Variants in CREM observed in about 807,000 individuals in gnomAD.
CREM encodes cAMP-responsive element modulator.
In CREM, 13 loss-of-function variants were observed where a neutral mutation model predicts 37.3. The observed-to-expected ratio is 0.35, with a 90% CI of 0.23 to 0.55. The LOEUF (loss-of-function observed/expected upper bound fraction) is 0.55. CREM is among the 20% of genes least tolerant of loss of function. The pLI is 0.88. For synonymous variants in CREM, 124 were observed against 120.2 expected (o/e 1.03, Z -0.21); for missense variants, 296 against 362.3 (o/e 0.82, Z 1.49).
At chr10:35,146,371 A>G (rs1156246681) in intron 2 of CREM, among the ~76,000 whole-genome samples, 5 of 152,232 alleles carry the variant, frequency 3.3e-5, no homozygotes, top group African/African-American at 1.2e-4. Flanking sequence ...CACCCTTCTC[A>G]AGACACACTA....
chr10:35,190,077 A>G (rs1564933444), intron 6 of CREM, among the ~76,000 whole-genome samples: 1 of 152,210 alleles, frequency 6.6e-6, no homozygotes, highest in Non-Finnish European at 1.5e-5. Flanking sequence ...GTCTAGGTGA[A>G]TAATCTTAAA....
At chr10:35,137,954 A>G in intron 2 of CREM, 75 bp downstream of exon 2, 1 of 1,123,838 alleles carries the variant, frequency 8.9e-7, no homozygotes, top group Non-Finnish European at 1.3e-6. Context: ...AAATTGATAT[A>G]TAGATGTACA....
intron 3 of CREM, among the ~76,000 whole-genome samples, chr10:35,161,622 C>T (rs187590109): frequency 2.2e-4 from 33 of 151,898 alleles, no homozygotes; most frequent in African/African-American, 8.0e-4. Context: ...GAGATCACAC[C>T]ACTGCACTCC....
chr10:35,167,635 T>C (rs1033339063), intron 3 of CREM: 3 of 1,324,698 alleles, frequency 2.3e-6, no homozygotes, highest in Non-Finnish European at 3.2e-6. Flanking sequence ...TTAGGGTTTT[T>C]TTTAATTGCA....
intron 6 of CREM, chr10:35,195,986 T>C: frequency 2.0e-6 from 3 of 1,520,222 alleles, no homozygotes; most frequent in Non-Finnish European, 2.7e-6. Flanking sequence ...ATAGCTTTTC[T>C]TGTTAGCCCT....
intron 6 of CREM, among the ~76,000 whole-genome samples, chr10:35,202,238 G>A (rs999753906): frequency 1.3e-5 from 2 of 152,210 alleles, no homozygotes; most frequent in African/African-American, 4.8e-5. Flanking sequence ...AGGAATAGCA[G>A]TGTGTCATCA....
chr10:35,133,592 C>G (rs2089864422), intron 1 of CREM, among the ~76,000 whole-genome samples: 1 of 152,198 alleles, frequency 6.6e-6, no homozygotes, highest in African/African-American at 2.4e-5. Context: ...AGCCATGGCG[C>G]CTGTCCAAAA....
chr10:35,161,679 G>A (rs12782948), intron 3 of CREM, among the ~76,000 whole-genome samples: 49,911 of 151,202 alleles, frequency 0.33, 8,290 homozygotes, highest in South Asian at 0.35. Flanking sequence ...AAAAAAGCTC[G>A]ACATCATTAA....
At chr10:35,163,957 A>G (rs1408279999) in intron 3 of CREM, among the ~76,000 whole-genome samples, 1 of 151,856 alleles carries the variant, frequency 6.6e-6, no homozygotes, top group East Asian at 1.9e-4. Flanking sequence ...AGCCTGGGTG[A>G]CAGCAAGAAC....
chr10:35,135,457 T>A (rs1369819177), intron 1 of CREM: 2 of 152,232 alleles, frequency 1.3e-5, no homozygotes, highest in African/African-American at 4.8e-5. Context: ...GTTACAGCTC[T>A]TAGAATTTGT....
chr10:35,175,358 A>G (rs1179415704), intron 3 of CREM, among the ~76,000 whole-genome samples: 1 of 152,126 alleles, frequency 6.6e-6, no homozygotes, highest in Non-Finnish European at 1.5e-5. Context: ...AGGCAGGAGA[A>G]TGGCTTGAAC....
At chr10:35,141,268 A>G (rs959733078) in intron 2 of CREM, among the ~76,000 whole-genome samples, 19 of 152,218 alleles carry the variant, frequency 1.2e-4, no homozygotes, top group Non-Finnish European at 2.5e-4. Flanking sequence ...GAGAATTAGA[A>G]GTTTGGATTT....
chr10:35,130,984 G>C lies in CREM; in HGVS notation c.-55+3791G>C, dbSNP rs544444246. 4.6e-5 allele frequency among the ~76,000 whole-genome samples: 7 copies of C among 152,294 alleles called. No individual in the cohort carries two copies. The South Asian group carries it at 1.5e-3, about 32-fold the overall frequency. On this transcript the variant is annotated intron_variant, in intron 1 of 7. Coordinates refer to ENST00000685392, the MANE Select transcript of CREM (RefSeq NM_183011.2). The stretch of plus-strand genomic sequence containing the variant: ...AGGAAATTACTGGCAACGTGTGTGT[G>C]AAGTAGTTTTTATAAGTAGAGGAAA...
intron 5 of CREM, among the ~76,000 whole-genome samples, chr10:35,184,434 G>A (rs2094469776): frequency 6.6e-6 from 1 of 152,110 alleles, no homozygotes; most frequent in African/African-American, 2.4e-5. Context: ...CTATTTCCAG[G>A]ATCCTGAGGC....
At chr10:35,196,196 A>C (rs1239773364) in intron 6 of CREM, 1 of 1,229,548 alleles carries the variant, frequency 8.1e-7, no homozygotes, top group African/African-American at 1.5e-5. Flanking sequence ...CTCTTACTCC[A>C]TCCTCTTACT....
intron 5 of CREM, among the ~76,000 whole-genome samples, chr10:35,184,799 AAGAAAG>A (rs1193985892): frequency 9.1e-6 from 1 of 110,128 alleles, no homozygotes; most frequent in African/African-American, 2.8e-5. Flanking sequence ...GTAAAGCAAA[AAGAAAG>A]AGAAAAAAGG....
At position 35,175,774 on chromosome 10, in the gene CREM, G is replaced by A; in HGVS notation, c.169-3115G>A. 5.0e-6 allele frequency: 8 copies of A among 1,613,984 alleles called. No individual in the cohort carries two copies. The South Asian group carries it at 7.7e-5, about 16-fold the overall frequency. The stretch of plus-strand genomic sequence containing the variant: ...AGAGAAGTAGGCCAGTCATATTAGT[G>A]AGTGGTATTACTTAAAAATAGCAAA... On this transcript the variant is annotated intron_variant, in intron 3 of 7. Transcript: ENST00000685392.
chr10:35,211,792 A>G lies in CREM; in HGVS notation c.*394A>G. 1 of 1,606,748 alleles carries G rather than the reference A, an allele frequency of 6.2e-7. No homozygotes were observed. Among genetic ancestry groups the G allele is most frequent in the South Asian group, 1.1e-5 (1 of 89,206 alleles). ...CTTGAAAGACATTTGTTCTCCCAAA[A>G]CAGATTACTAGAAATATTTAACTAT... is the stretch of plus-strand genomic sequence containing the variant. On this transcript the variant is annotated 3_prime_UTR_variant, in exon 8 of 8. Transcript: ENST00000685392.
chr10:35,211,300 T>C lies in CREM; in HGVS notation c.802T>C (p.Cys268Arg). Residue 268 changes from cysteine to arginine, a missense_variant, in exon 8 of 8, where the codon TGT becomes CGT. By Grantham distance (180) the Cys-to-Arg change is radical (BLOSUM62 -3). This residue lies in a region of CREM where 39 missense variants were observed against 82.0 expected (regional missense o/e 0.48). Coordinates refer to ENST00000685392, the MANE Select transcript of CREM (RefSeq NM_183011.2). ...CRRKKKEYVK[C>R]LENRVAVLEN... The stretch of plus-strand genomic sequence containing the variant: ...CAGGAAGAAGAAAGAATATGTCAAA[T>C]GTCTTGAAAATCGTGTGGCTGTGCT... 1 of 1,614,136 alleles carries C rather than the reference T, an allele frequency of 6.2e-7. No homozygotes were observed. The highest frequency in any genetic ancestry group is 1.3e-5 in the African/African-American group (1 of 75,028).
Sources: allele counts gnomAD v4.1 joint callset (sites outside exome capture counted in the v4.1 genomes callset), GRCh38; gene constraint gnomAD v4.1.1; regional missense constraint gnomAD v4.1.1; transcripts MANE v1.5; gene names NCBI Gene and HGNC (gene_info 2026-07-23, HGNC 2026-07-21).